The following ZC3H11A variants were observed in gnomAD, a reference collection of about 807,000 sequenced individuals.
ZC3H11A encodes the protein zinc finger CCCH-type containing 11A, also known as zinc finger CCCH domain-containing protein 11A.
In ZC3H11A, 22 loss-of-function variants were observed where a neutral mutation model predicts 90.8. The ratio of observed to expected loss-of-function variants is 0.24; its 90% CI spans 0.17 to 0.35. The LOEUF is 0.35. Ranked by LOEUF, ZC3H11A falls within the 10% of genes least tolerant of loss-of-function variation. The pLI, the probability that ZC3H11A is intolerant of heterozygous loss-of-function variation, is 1.00. For missense variants in ZC3H11A, 701 were observed against 964.9 expected, an observed-to-expected ratio of 0.73 and a Z score of 3.62; for synonymous variants, 294 against 339.8, an observed-to-expected ratio of 0.87 and a Z score of 1.48.
intron 10 of ZC3H11A, among the ~76,000 whole-genome samples, chr1:203,836,558 A>T (rs568474490): frequency 6.6e-6 from 1 of 152,166 alleles, no homozygotes; most frequent in Non-Finnish European, 1.5e-5. Flanking sequence ...GACCGGCCTG[A>T]TCAACATGGT....
intron 2 of ZC3H11A, among the ~76,000 whole-genome samples, chr1:203,804,098 G>A (rs1671360175): frequency 6.8e-6 from 1 of 147,484 alleles, no homozygotes; most frequent in Non-Finnish European, 1.5e-5. Flanking sequence ...TTTTGGTTTT[G>A]TTTTTAATTT....
chr1:203,805,192 T>C (rs868370401), intron 2 of ZC3H11A, among the ~76,000 whole-genome samples: 1 of 150,030 alleles, frequency 6.7e-6, no homozygotes, highest in South Asian at 2.1e-4. Context: ...GCCCAGGCTG[T>C]GGGGTGATCT....
chr1:203,832,220 G>A lies in ZC3H11A; in HGVS notation c.811+449G>A, dbSNP rs141607513. 1.8e-3 allele frequency among the ~76,000 whole-genome samples: 277 copies of A among 152,054 alleles called. 7 individuals are homozygous for A. In the East Asian group the frequency reaches 0.043, roughly 23 times the overall value. ...ATTATAGGCATGTGCCACCAAGCCC[G>A]GCTGATTTTTTTGTATTTTTAGTAG... On this transcript the variant is annotated intron_variant, in intron 9 of 17. Coordinates refer to ENST00000367210, the MANE Select transcript of ZC3H11A (RefSeq NM_001376342.1).
intron 10 of ZC3H11A, among the ~76,000 whole-genome samples, chr1:203,834,269 CTTAT>C (rs1252542661): frequency 2.0e-5 from 3 of 151,918 alleles, no homozygotes; most frequent in Non-Finnish European, 4.4e-5. Context: ...TTGGTGCTTG[CTTAT>C]TTATTTATTT....
intron 9 of ZC3H11A, among the ~76,000 whole-genome samples, chr1:203,832,792 C>T (rs1410949304): frequency 1.3e-5 from 2 of 152,176 alleles, no homozygotes; most frequent in African/African-American, 4.8e-5. Flanking sequence ...CTGAGGTGAT[C>T]AGAGATAGTT....
intron 7 of ZC3H11A, 103 bp downstream of exon 7, chr1:203,829,999 G>A (rs1393430795): frequency 3.2e-5 from 42 of 1,314,072 alleles, no homozygotes; most frequent in African/African-American, 5.9e-5. Context: ...CATGCTACAC[G>A]CATACTTACC....
At chr1:203,797,345 A>G in intron 1 of ZC3H11A, 2 of 569,146 alleles carry the variant, frequency 3.5e-6, no homozygotes, top group South Asian at 2.7e-5. Flanking sequence ...AATGTTCTCC[A>G]TTGCTGTCAG....
At chr1:203,819,860 T>A (rs1323210861) in intron 4 of ZC3H11A, among the ~76,000 whole-genome samples, 1 of 151,812 alleles carries the variant, frequency 6.6e-6, no homozygotes, top group African/African-American at 2.4e-5. Context: ...TTAAAAAGAT[T>A]AACATTGATA....
At chr1:203,797,831 T>G (rs1179357874) in intron 1 of ZC3H11A, 7 of 1,536,118 alleles carry the variant, frequency 4.6e-6, no homozygotes, top group Non-Finnish European at 6.1e-6. Context: ...CTTTGTTAGC[T>G]TCCAATGACC....
At chr1:203,837,945 C>CTT (rs1558132811) in intron 10 of ZC3H11A, 21 bp from the exon 11 acceptor site, 4 of 1,598,658 alleles carry the variant, frequency 2.5e-6, no homozygotes, top group Non-Finnish European at 1.7e-6. Flanking sequence ...AAATCTTAAA[C>CTT]TAAGTTCTCC....
chr1:203,827,118 TG>T (rs2102978725), intron 4 of ZC3H11A, among the ~76,000 whole-genome samples: 1 of 152,306 alleles, frequency 6.6e-6, no homozygotes, highest in South Asian at 2.1e-4. Context: ...AGTATAGCAA[TG>T]GTTTATTCCT....
At chr1:203,829,923 T>C in intron 7 of ZC3H11A, 27 bp downstream of exon 7, 1 of 1,589,806 alleles carries the variant, frequency 6.3e-7, no homozygotes, top group Non-Finnish European at 8.6e-7. Context: ...TTGGTGCCTC[T>C]TATAGCACTG....
At chr1:203,807,805 A>G (rs1353108139) in intron 2 of ZC3H11A, among the ~76,000 whole-genome samples, 1 of 151,988 alleles carries the variant, frequency 6.6e-6, no homozygotes, top group African/African-American at 2.4e-5. Flanking sequence ...GCAGTGGGGC[A>G]GTCACGGCTC....
chr1:203,821,762 GT>G (rs201404414), intron 4 of ZC3H11A, among the ~76,000 whole-genome samples: 119 of 141,606 alleles, frequency 8.4e-4, no homozygotes, highest in South Asian at 7.1e-3. Context: ...TTTTGGTTTT[GT>G]TTTTTTTTTT....
Position 203,852,231 on chromosome 1 carries a change from C to T in ZC3H11A, c.2265C>T (p.Arg755=), listed in dbSNP as rs763863566. 1 of 1,613,562 alleles carries T rather than the reference C, an allele frequency of 6.2e-7. No homozygotes were observed. The highest frequency in any genetic ancestry group is 8.5e-7 in the Non-Finnish European group (1 of 1,179,792). Reference sequence around the variant, plus strand: ...CATCCCAAATGAGCATGAAAACTCGCCGACTCAGCTCTGCCTCAACAGGAA... The same window carrying T: ...CATCCCAAATGAGCATGAAAACTCGTCGACTCAGCTCTGCCTCAACAGGAA... ...PSSSQMSMKT[R]RLSSASTGKP... Residue 755 remains arginine (R), a synonymous_variant, in exon 18 of 18, where the codon CGC becomes CGT. Transcript: ENST00000367210.
At chr1:203,822,346 G>C (rs1365662500) in intron 4 of ZC3H11A, among the ~76,000 whole-genome samples, 1 of 151,920 alleles carries the variant, frequency 6.6e-6, no homozygotes, top group East Asian at 1.9e-4. Flanking sequence ...TTCAACTCTA[G>C]TACTCTGTGC....
Position 203,847,691 on chromosome 1 carries a change from A to G in ZC3H11A, c.1546+4A>G. ...CTGCGAATCACCAAAAGAACAGGTA[A>G]CAAGAGAACTTGGTCTCTAGTACCA... On this transcript the variant is annotated splice_donor_region_variant and intron_variant, in intron 13 of 17. Coordinates refer to ENST00000367210, the MANE Select transcript of ZC3H11A (RefSeq NM_001376342.1). The G allele has an allele frequency of 1.2e-6, 2 of 1,610,578 alleles. No homozygotes were observed. Among genetic ancestry groups the G allele is most frequent in the Non-Finnish European group, 1.7e-6 (2 of 1,179,250 alleles).
At chr1:203,840,434 T>C (rs899644846) in intron 12 of ZC3H11A, 60 bp downstream of exon 12, 6 of 1,531,638 alleles carry the variant, frequency 3.9e-6, no homozygotes, top group African/African-American at 2.8e-5. Flanking sequence ...GAGCCTTTGC[T>C]TTTTCTCAGA....
intron 9 of ZC3H11A, among the ~76,000 whole-genome samples, chr1:203,833,327 T>C (rs1274217999): frequency 7.0e-6 from 1 of 142,834 alleles, no homozygotes; most frequent in East Asian, 2.1e-4. Context: ...ATCGGGCCAC[T>C]GCACTCTAGC....
Sources: allele counts gnomAD v4.1 joint callset (sites outside exome capture counted in the v4.1 genomes callset), GRCh38; gene constraint gnomAD v4.1.1; transcripts MANE v1.5; gene names NCBI Gene and HGNC (gene_info 2026-07-23, HGNC 2026-07-21).